PPFIA2: variants seen among roughly 807,000 people sequenced by gnomAD.
PPFIA2 encodes liprin-alpha-2.
PPFIA2 carries 46 observed loss-of-function variants against 175.5 expected under a neutral mutation model. The observed-to-expected ratio is 0.26, with a 90% CI of 0.21 to 0.34. The LOEUF (loss-of-function observed/expected upper bound fraction) is 0.34. PPFIA2 is among the 10% of genes least tolerant of loss of function. The pLI is 1.00. For missense variants in PPFIA2, 1,179 were observed against 1,506.1 expected (o/e 0.78, Z 3.60); for synonymous variants, 568 against 511.4 (o/e 1.11, Z -1.49).
chr12:81,655,959 T>G (rs1182346924), intron 4 of PPFIA2, among the ~76,000 whole-genome samples: 2 of 152,072 alleles, frequency 1.3e-5, no homozygotes, highest in Non-Finnish European at 2.9e-5. Flanking sequence ...TGTATAAACA[T>G]TAAAAATTTT....
At chr12:81,507,648 TGA>T (rs1452383296) in intron 4 of PPFIA2, among the ~76,000 whole-genome samples, 1 of 152,196 alleles carries the variant, frequency 6.6e-6, no homozygotes, top group African/African-American at 2.4e-5. Flanking sequence ...CATGCTGGTC[TGA>T]GTCATCTTTA....
chr12:81,740,938 T>C (rs1306959826), intron 3 of PPFIA2, among the ~76,000 whole-genome samples: 1 of 152,152 alleles, frequency 6.6e-6, no homozygotes, highest in Admixed American at 6.5e-5. Context: ...CGGATATAGA[T>C]AATAAATAGT....
At chr12:81,672,098 T>G (rs970901650) in intron 4 of PPFIA2, among the ~76,000 whole-genome samples, 1 of 151,856 alleles carries the variant, frequency 6.6e-6, no homozygotes, top group Non-Finnish European at 1.5e-5. Context: ...TAGCACATAG[T>G]GTACACTCAA....
At chr12:81,521,304 T>C (rs1480332882) in intron 4 of PPFIA2, among the ~76,000 whole-genome samples, 1 of 152,074 alleles carries the variant, frequency 6.6e-6, no homozygotes, top group Non-Finnish European at 1.5e-5. Context: ...CAAATGCAGT[T>C]TAAAATAGTA....
Position 81,753,960 on chromosome 12 carries a change from C to G in PPFIA2, c.249+13G>C. The G allele has an allele frequency of 6.2e-7, 1 of 1,612,580 alleles. No homozygotes were observed. The highest frequency in any genetic ancestry group is 8.5e-7 in the Non-Finnish European group (1 of 1,178,944). ...ATTACAATAGGAGAAACAAAGGCTACCAGGAAGCATACCTGTGGCAGGGCT... is the reference window on the plus strand; with the variant it reads ...ATTACAATAGGAGAAACAAAGGCTAGCAGGAAGCATACCTGTGGCAGGGCT... On this transcript the variant is annotated intron_variant, in intron 3 of 32. Transcript: ENST00000549396.
intron 3 of PPFIA2, among the ~76,000 whole-genome samples, chr12:81,751,413 C>CT (rs10717907): frequency 0.18 from 27,124 of 146,990 alleles, 2,998 homozygotes; most frequent in East Asian, 0.33. Flanking sequence ...TATTTACAGT[C>CT]TTTTTTTTTT....
intron 24 of PPFIA2, among the ~76,000 whole-genome samples, chr12:81,286,141 A>T (rs1278691910): frequency 6.6e-6 from 1 of 152,064 alleles, no homozygotes; most frequent in East Asian, 1.9e-4. Context: ...ATAAAGAAAG[A>T]TATTAATTTT....
chr12:81,283,696 G>T (rs1233749358), intron 25 of PPFIA2, among the ~76,000 whole-genome samples: 2 of 152,012 alleles, frequency 1.3e-5, no homozygotes, highest in African/African-American at 4.8e-5. Flanking sequence ...ATGAAAAAAT[G>T]ATTTTTATAG....
chr12:81,699,890 T>C (rs1004898219), intron 3 of PPFIA2, among the ~76,000 whole-genome samples: 4 of 152,102 alleles, frequency 2.6e-5, no homozygotes, highest in African/African-American at 9.6e-5. Flanking sequence ...CACATTTCTA[T>C]TGAATCTTAT....
intron 3 of PPFIA2, among the ~76,000 whole-genome samples, chr12:81,747,251 A>G (rs922425534): frequency 1.4e-5 from 2 of 144,204 alleles, no homozygotes; most frequent in African/African-American, 4.9e-5. Context: ...GTGTGCTGGT[A>G]TTAGGTTTCA....
intron 8 of PPFIA2, among the ~76,000 whole-genome samples, chr12:81,386,516 A>C (rs1566595129): frequency 6.6e-6 from 1 of 151,488 alleles, no homozygotes; most frequent in African/African-American, 2.4e-5. Context: ...CAGCAACTAG[A>C]GAGGCAGAGG....
chr12:81,405,808 A>G lies in PPFIA2; in HGVS notation c.741T>C (p.Pro247=), dbSNP rs2042834482. Reference sequence around the variant, plus strand: ...ATACCTTCTCATGGACTTTCTGTCCAGGTTCCATCCCTTCAAGATGTTCTG... The same window carrying G: ...ATACCTTCTCATGGACTTTCTGTCCGGGTTCCATCCCTTCAAGATGTTCTG... ...TESEHLEGME[P]GQKVHEKRLS... The change falls in exon 8 of 33, where the codon CCT becomes CCC. Residue 247 remains proline (P), a synonymous_variant. Coordinates refer to ENST00000549396, the MANE Select transcript of PPFIA2 (RefSeq NM_003625.5). The G allele has an allele frequency of 8.9e-6, 14 of 1,572,912 alleles. No homozygotes were observed. The highest frequency in any genetic ancestry group is 1.2e-5 in the Non-Finnish European group (14 of 1,156,638).
chr12:81,745,504 T>C (rs192358013), intron 3 of PPFIA2, among the ~76,000 whole-genome samples: 1 of 152,316 alleles, frequency 6.6e-6, no homozygotes, highest in Non-Finnish European at 1.5e-5. Context: ...TTTTTTCTTC[T>C]TCTTCTGGAG....
intron 3 of PPFIA2, among the ~76,000 whole-genome samples, chr12:81,722,871 A>G (rs2079534833): frequency 6.6e-6 from 1 of 151,202 alleles, no homozygotes; most frequent in South Asian, 2.1e-4. Context: ...ATACAATATG[A>G]TTTTTATTCA....
chr12:81,599,950 ACAT>A (rs1486587889), intron 4 of PPFIA2, among the ~76,000 whole-genome samples: 1 of 151,984 alleles, frequency 6.6e-6, no homozygotes, highest in Non-Finnish European at 1.5e-5. Flanking sequence ...GTCCTCAATC[ACAT>A]CATATTAGTG....
chr12:81,439,755 C>A, intron 7 of PPFIA2: 1 of 495,944 alleles, frequency 2.0e-6, no homozygotes, highest in South Asian at 2.8e-5. Flanking sequence ...ATGTCACTAG[C>A]TTTTGATAAT....
intron 28 of PPFIA2, among the ~76,000 whole-genome samples, chr12:81,276,541 C>G (rs530015719): frequency 6.6e-6 from 1 of 151,986 alleles, no homozygotes; most frequent in Non-Finnish European, 1.5e-5. Context: ...TGAAATTATT[C>G]TTTCTCGGGT....
At chr12:81,262,819 C>CA in intron 31 of PPFIA2, among the ~76,000 whole-genome samples, 1 of 152,178 alleles carries the variant, frequency 6.6e-6, no homozygotes, top group East Asian at 1.9e-4. Flanking sequence ...TCTAAGATGA[C>CA]ATATAAAACT....
chr12:81,623,580 T>C (rs1489970852), intron 4 of PPFIA2, among the ~76,000 whole-genome samples: 1 of 152,014 alleles, frequency 6.6e-6, no homozygotes, highest in East Asian at 1.9e-4. Flanking sequence ...TGTAGGACTG[T>C]CACCGCTTCC....
Sources: allele counts gnomAD v4.1 joint callset (sites outside exome capture counted in the v4.1 genomes callset), GRCh38; gene constraint gnomAD v4.1.1; transcripts MANE v1.5; gene names NCBI Gene and HGNC (gene_info 2026-07-23, HGNC 2026-07-21).